OPCML: variants seen among roughly 807,000 people sequenced by gnomAD.
The protein encoded by OPCML is opioid-binding protein/cell adhesion molecule.
OPCML carries 13 observed loss-of-function variants against 37.8 expected under a neutral mutation model. That is an observed-to-expected ratio of 0.34 (90% CI 0.22 to 0.55). The LOEUF (loss-of-function observed/expected upper bound fraction) is 0.55. Ranked by LOEUF, OPCML falls within the 20% of genes least tolerant of loss-of-function variation. OPCML has a pLI of 0.91. For missense variants in OPCML, 341 were observed against 435.6 expected, an observed-to-expected ratio of 0.78 and a Z score of 1.93; for synonymous variants, 176 against 168.8, an observed-to-expected ratio of 1.04 and a Z score of -0.33.
At chr11:133,024,527 C>T (rs1344103783) in intron 1 of OPCML, 2 of 985,246 alleles carry the variant, frequency 2.0e-6, no homozygotes, top group African/African-American at 3.5e-5. Context: ...TTATTGCCTG[C>T]TGTAATATAC....
intron 4 of OPCML, among the ~76,000 whole-genome samples, chr11:132,469,865 GGGTGTGT>G: frequency 8.2e-6 from 1 of 121,270 alleles, no homozygotes; most frequent in Non-Finnish European, 1.8e-5. Flanking sequence ...GTATGTGTGG[GGGTGTGT>G]ATGTGTGGGA....
At chr11:132,505,584 T>C (rs1322698713) in intron 4 of OPCML, among the ~76,000 whole-genome samples, 1 of 152,112 alleles carries the variant, frequency 6.6e-6, no homozygotes, top group Non-Finnish European at 1.5e-5. Context: ...AACGAAAACG[T>C]CCAATTAGTT....
intron 1 of OPCML, among the ~76,000 whole-genome samples, chr11:133,036,629 T>G (rs1159090393): frequency 6.6e-6 from 1 of 152,234 alleles, no homozygotes; most frequent in Non-Finnish European, 1.5e-5. Context: ...TGCAACCTAA[T>G]GTATTCTATA....
chr11:133,376,515 T>C (rs7102100), intron 1 of OPCML, among the ~76,000 whole-genome samples: 34,456 of 152,130 alleles, frequency 0.23, 5,643 homozygotes, highest in African/African-American at 0.46. Context: ...GTAAATGATA[T>C]AAATGTACAT....
At chr11:133,281,120 C>T (rs755719304) in intron 1 of OPCML, among the ~76,000 whole-genome samples, 1 of 152,152 alleles carries the variant, frequency 6.6e-6, no homozygotes, top group African/African-American at 2.4e-5. Context: ...TCTAGAGACA[C>T]TTTGGAAGCT....
intron 2 of OPCML, among the ~76,000 whole-genome samples, chr11:132,731,899 A>T (rs1945089739): frequency 1.3e-5 from 2 of 152,202 alleles, no homozygotes; most frequent in Admixed American, 6.5e-5. Context: ...AAGTAGTAGG[A>T]TATGAAAGAG....
At chr11:132,868,295 G>GTTT (rs1440645913) in intron 2 of OPCML, among the ~76,000 whole-genome samples, 1 of 101,020 alleles carries the variant, frequency 9.9e-6, no homozygotes, top group Non-Finnish European at 2.0e-5. Context: ...TTGAGGCTGT[G>GTTT]ATTTTTTTTT....
chr11:133,379,108 A>C lies in OPCML; in HGVS notation c.61+153156T>G, dbSNP rs571245426. Among the ~76,000 whole-genome samples, 477 of 152,240 alleles carry C rather than the reference A, an allele frequency of 3.1e-3. 2 individuals carry two copies. Among genetic ancestry groups the C allele is most frequent in the Non-Finnish European group, 3.5e-3 (237 of 68,016 alleles). On this transcript the variant is annotated intron_variant, in intron 1 of 7. Coordinates refer to ENST00000524381, the MANE Select transcript of OPCML (RefSeq NM_001012393.5). ...TTGTATTTCACCATTTAAGTCTTTG[A>C]AAAGGGTAGAACCAAAAGCAGAGAC...
At chr11:133,508,492 C>T (rs1948086821) in intron 1 of OPCML, among the ~76,000 whole-genome samples, 1 of 152,324 alleles carries the variant, frequency 6.6e-6, no homozygotes, top group African/African-American at 2.4e-5. Context: ...TTAGTGAGGG[C>T]CCCATGCCCT....
intron 2 of OPCML, among the ~76,000 whole-genome samples, chr11:132,789,813 C>A (rs1937774534): frequency 6.6e-6 from 1 of 152,096 alleles, no homozygotes; most frequent in African/African-American, 2.4e-5. Context: ...TCAGCAATGC[C>A]CCTCATCTGG....
chr11:133,121,749 C>G (rs1368773244), intron 1 of OPCML, among the ~76,000 whole-genome samples: 1 of 152,178 alleles, frequency 6.6e-6, no homozygotes. Flanking sequence ...ATTTAAGGCT[C>G]TTGAAATCTG....
intron 2 of OPCML, among the ~76,000 whole-genome samples, chr11:132,695,550 A>C (rs532671783): frequency 7.2e-5 from 11 of 152,316 alleles, no homozygotes; most frequent in African/African-American, 2.4e-4. Flanking sequence ...CAGGCTGAAT[A>C]ACTTCACTAG....
intron 2 of OPCML, among the ~76,000 whole-genome samples, chr11:132,808,435 G>A (rs563705156): frequency 2.0e-5 from 3 of 152,328 alleles, no homozygotes; most frequent in African/African-American, 4.8e-5. Context: ...TGAAGAGATT[G>A]ATACATCTAA....
At chr11:132,849,961 C>G (rs554381172) in intron 2 of OPCML, among the ~76,000 whole-genome samples, 1 of 152,218 alleles carries the variant, frequency 6.6e-6, no homozygotes, top group South Asian at 2.1e-4. Flanking sequence ...GACGCACCAG[C>G]TCCTTCCATC....
intron 1 of OPCML, among the ~76,000 whole-genome samples, chr11:133,258,682 G>T (rs1413877277): frequency 2.0e-5 from 3 of 152,076 alleles, no homozygotes; most frequent in African/African-American, 7.2e-5. Context: ...AAAGACTTCT[G>T]CAAAGGCCTC....
At chr11:132,838,004 A>T (rs1941116420) in intron 2 of OPCML, among the ~76,000 whole-genome samples, 1 of 152,156 alleles carries the variant, frequency 6.6e-6, no homozygotes. Flanking sequence ...ACCTTATGAT[A>T]TGTTTCTGGT....
intron 1 of OPCML, among the ~76,000 whole-genome samples, chr11:133,157,982 C>G (rs1257190700): frequency 5.3e-5 from 8 of 152,118 alleles, no homozygotes; most frequent in Non-Finnish European, 1.2e-4. Flanking sequence ...TGAGGGCCAG[C>G]AGGAAGTGCA....
At chr11:133,274,046 CTATCTA>C (rs1210983297) in intron 1 of OPCML, among the ~76,000 whole-genome samples, 1 of 152,130 alleles carries the variant, frequency 6.6e-6, no homozygotes, top group Non-Finnish European at 1.5e-5. Context: ...CTATCTAGTT[CTATCTA>C]TATCTATATC....
At chr11:132,954,683 C>G (rs1945940124) in intron 1 of OPCML, among the ~76,000 whole-genome samples, 1 of 152,176 alleles carries the variant, frequency 6.6e-6, no homozygotes, top group Non-Finnish European at 1.5e-5. Context: ...TGTTTACAGT[C>G]ATAGATTTTG....
Sources: gnomAD v4.1 joint callset for allele counts (sites outside exome capture counted in the v4.1 genomes callset) on GRCh38, gnomAD v4.1.1 for gene constraint, MANE v1.5 for transcripts, NCBI Gene and HGNC (gene_info 2026-07-23, HGNC 2026-07-21) for gene names.